The following ENOX2 variants were observed in gnomAD, a reference collection of about 807,000 sequenced individuals.
ENOX2 encodes the protein APK1 antigen.
A neutral mutation model predicts 45.0 loss-of-function variants in ENOX2; 36 were observed. The ratio of observed to expected loss-of-function variants is 0.80; its 90% CI spans 0.61 to 1.06. ENOX2 has a LOEUF of 1.06. ENOX2 is among the 50% of genes least tolerant of loss of function. The pLI is 0.00. For missense variants in ENOX2, 423 were observed against 462.5 expected, an observed-to-expected ratio of 0.91 and a Z score of 0.78; for synonymous variants, 174 against 152.3, an observed-to-expected ratio of 1.14 and a Z score of -1.05.
At chrX:130,661,416 T>C (rs1484376562) in intron 9 of ENOX2, among the ~76,000 whole-genome samples, 1 of 110,948 alleles carries the variant, frequency 9.0e-6, no homozygotes, top group Admixed American at 9.6e-5. Flanking sequence ...CTCGAACTCC[T>C]GAACTCAAGC....
At chrX:130,892,208 T>C (rs1421591983) in intron 2 of ENOX2, among the ~76,000 whole-genome samples, 2 of 112,520 alleles carry the variant, frequency 1.8e-5, no homozygotes, top group Non-Finnish European at 3.8e-5. Context: ...TCTTTGGTTA[T>C]AGCACAGATA....
intron 3 of ENOX2, among the ~76,000 whole-genome samples, chrX:130,726,121 C>T (rs908257242): frequency 2.7e-5 from 3 of 112,221 alleles, no homozygotes; most frequent in Admixed American, 9.4e-5. Flanking sequence ...TTGGAATACA[C>T]ATGAACAAAC....
intron 2 of ENOX2, among the ~76,000 whole-genome samples, chrX:130,858,699 C>T (rs914782173): frequency 3.6e-5 from 4 of 111,400 alleles, no homozygotes; most frequent in Admixed American, 9.5e-5. Context: ...ATATTGATTA[C>T]ACTGAGAGAT....
chrX:130,836,502 T>C (rs2077929388), intron 2 of ENOX2, among the ~76,000 whole-genome samples: 1 of 111,412 alleles, frequency 9.0e-6, no homozygotes, highest in African/African-American at 3.3e-5. Context: ...TCGACTGGCC[T>C]TCTACAGGGG....
chrX:130,743,072 T>C (rs918839112), intron 3 of ENOX2, among the ~76,000 whole-genome samples: 1 of 111,989 alleles, frequency 8.9e-6, no homozygotes, highest in African/African-American at 3.2e-5. Flanking sequence ...CTTCCTGGCA[T>C]TGTTATTATG....
chrX:130,703,207 G>A lies in ENOX2; in HGVS notation c.10C>T (p.Pro4Ser). 1 of 1,203,694 alleles carries A rather than the reference G, an allele frequency of 8.3e-7. No homozygotes were observed. Among genetic ancestry groups the A allele is most frequent in the Non-Finnish European group, 1.1e-6 (1 of 889,485 alleles). Residue 4 changes from proline (P) to serine (S), a missense_variant, in exon 4 of 15, where the codon CCT becomes TCT. This residue lies in a region of ENOX2 where 261 missense variants were observed against 306.8 expected (regional missense o/e 0.85). Coordinates refer to ENST00000394363, the MANE Select transcript of ENOX2 (RefSeq NM_006375.4). ...GCCCATGCAGTTGGATCAGACATAGGTAGTGTCATTGCAGTGGAATCCACG... is the reference window on the plus strand; with the variant it reads ...GCCCATGCAGTTGGATCAGACATAGATAGTGTCATTGCAGTGGAATCCACG... MTL[P>S]MSDPTAWATA...
intron 2 of ENOX2, among the ~76,000 whole-genome samples, chrX:130,825,437 CTGGTATA>C (rs1181208714): frequency 9.0e-6 from 1 of 111,030 alleles, no homozygotes; most frequent in Non-Finnish European, 1.9e-5. Context: ...TAAACTTCAA[CTGGTATA>C]TGGTATATCT....
rs923927064 is a variant in ENOX2, at chrX:130,841,096, C to T, written c.-182-57406G>A. Among the ~76,000 whole-genome samples the T allele has an allele frequency of 6.3e-5, 7 of 111,731 alleles. No homozygotes were observed. The East Asian group carries it at 8.4e-4, about 13-fold the overall frequency. On this transcript the variant is annotated intron_variant, in intron 2 of 14. Coordinates refer to ENST00000394363, the MANE Select transcript of ENOX2 (RefSeq NM_006375.4). ...CACTGGATTGTTTTAGAGGAGAACACGGTCCTTTTCCTCTATGAATATGCT... is the reference window on the plus strand; with the variant it reads ...CACTGGATTGTTTTAGAGGAGAACATGGTCCTTTTCCTCTATGAATATGCT...
intron 2 of ENOX2, among the ~76,000 whole-genome samples, chrX:130,835,638 C>T (rs1434569495): frequency 5.4e-5 from 6 of 110,866 alleles, no homozygotes; most frequent in African/African-American, 2.0e-4. Context: ...TTAGGAGTCC[C>T]GAGGCCTGGG....
At chrX:130,901,167 T>G (rs1248497779) in intron 2 of ENOX2, among the ~76,000 whole-genome samples, 1 of 112,231 alleles carries the variant, frequency 8.9e-6, no homozygotes. Context: ...AGTGAATCAT[T>G]TGGGTTTTGG....
At chrX:130,683,609 CA>C (rs1416752261) in intron 5 of ENOX2, among the ~76,000 whole-genome samples, 1 of 111,269 alleles carries the variant, frequency 9.0e-6, no homozygotes, top group Non-Finnish European at 1.9e-5. Flanking sequence ...CCAGTAGACT[CA>C]AAATGTAACC....
chrX:130,792,585 G>A, intron 2 of ENOX2, among the ~76,000 whole-genome samples: 1 of 111,591 alleles, frequency 9.0e-6, no homozygotes, highest in Admixed American at 9.5e-5. Context: ...ACGAGGTCGG[G>A]AGTTCGAGAC....
At position 130,625,097 on chromosome X, in the gene ENOX2, G is replaced by A. The variant is rs2035507708; in HGVS notation, c.*217C>T. On this transcript the variant is annotated 3_prime_UTR_variant, in exon 15 of 15. Coordinates refer to ENST00000394363, the MANE Select transcript of ENOX2 (RefSeq NM_006375.4). ...GACAACCAATTGACAGAAAGGGGAGGAAGTTACAGCACTTGTGGTTTGAGG... is the reference window on the plus strand; with the variant it reads ...GACAACCAATTGACAGAAAGGGGAGAAAGTTACAGCACTTGTGGTTTGAGG... 3 of 364,172 alleles carry A rather than the reference G, an allele frequency of 8.2e-6. No homozygotes were observed. The highest frequency in any genetic ancestry group is 1.5e-3 in the Middle Eastern group (2 of 1,316). 30.0% of individuals were successfully genotyped at this position (364,172 alleles called of 1,213,427 possible). A position where few individuals can be genotyped will look rare whatever the true frequency, so the allele number is the denominator to read the frequency against.
At chrX:130,658,091 A>T (rs754557103) in intron 9 of ENOX2, among the ~76,000 whole-genome samples, 54 of 112,025 alleles carry the variant, frequency 4.8e-4, no homozygotes, top group Admixed American at 3.4e-3. Flanking sequence ...AGCATTCTTT[A>T]AAAAAAATCT....
intron 2 of ENOX2, among the ~76,000 whole-genome samples, chrX:130,847,841 T>C (rs1486797146): frequency 8.9e-6 from 1 of 112,073 alleles, no homozygotes; most frequent in Non-Finnish European, 1.9e-5. Flanking sequence ...GTTCCAGTAT[T>C]ATTCTAGGCT....
chrX:130,732,392 G>A (rs1488262092), intron 3 of ENOX2, among the ~76,000 whole-genome samples: 1 of 111,752 alleles, frequency 8.9e-6, no homozygotes, highest in Non-Finnish European at 1.9e-5. Context: ...TTCATGGATT[G>A]AAGACTTAAT....
chrX:130,673,000 C>T (rs2037029991), intron 6 of ENOX2, among the ~76,000 whole-genome samples: 2 of 111,949 alleles, frequency 1.8e-5, no homozygotes, highest in Admixed American at 1.9e-4. Context: ...GAACAGAGAG[C>T]ACCTCACAGT....
At chrX:130,769,163 G>A (rs2039683330) in intron 3 of ENOX2, among the ~76,000 whole-genome samples, 1 of 111,340 alleles carries the variant, frequency 9.0e-6, no homozygotes, top group South Asian at 3.8e-4. Flanking sequence ...CCTGCAACAG[G>A]AAGCCAATTA....
chrX:130,667,409 T>C, intron 8 of ENOX2, 121 bp downstream of exon 8: 1 of 591,988 alleles, frequency 1.7e-6, no homozygotes, highest in Non-Finnish European at 2.8e-6. Flanking sequence ...CACAAGGCAG[T>C]GAAAAAGGGA....
Sources: gnomAD v4.1 joint callset for allele counts (sites outside exome capture counted in the v4.1 genomes callset) on GRCh38, gnomAD v4.1.1 for gene constraint, gnomAD v4.1.1 regional missense constraint, MANE v1.5 for transcripts, NCBI Gene and HGNC (gene_info 2026-07-23, HGNC 2026-07-21) for gene names.